PISD: variants seen among roughly 807,000 people sequenced by gnomAD.
PISD encodes the protein phosphatidylserine decarboxylase.
A neutral mutation model predicts 43.5 loss-of-function variants in PISD; 31 were observed. The observed-to-expected ratio is 0.71, with a 90% CI of 0.54 to 0.96. The LOEUF (loss-of-function observed/expected upper bound fraction) is 0.96. Among genes scored for constraint, PISD ranks in the 40% least tolerant of loss-of-function variants. The pLI is 0.00. For synonymous variants in PISD, 259 were observed against 228.7 expected (o/e 1.13, Z -1.20); for missense variants, 523 against 548.4 (o/e 0.95, Z 0.46).
chr22:31,644,896 G>A lies in PISD; in HGVS notation c.321+3205C>T, dbSNP rs545374841. 4.6e-5 allele frequency among the ~76,000 whole-genome samples: 7 copies of A among 152,184 alleles called. No individual in the cohort carries two copies. In the South Asian group the frequency reaches 8.3e-4, roughly 18 times the overall value. ...TCCTAGCACTTTCGGAGGCCGAGGC[G>A]GGTGGATCATGAGGTCACAAGTTCA... On this transcript the variant is annotated intron_variant, in intron 3 of 7. Coordinates refer to ENST00000439502, the MANE Select transcript of PISD (RefSeq NM_001326411.2).
rs1028860218 is a variant in PISD, at chr22:31,628,088, G to A, written c.322-6203C>T. 11 of 985,332 alleles carry A rather than the reference G, an allele frequency of 1.1e-5. No individual in the cohort carries two copies. The African/African-American group carries it at 1.2e-4, about 11-fold the overall frequency. The allele number at this position is 985,332 out of a possible 1,614,324, so 61.0% of individuals were successfully genotyped here. ...CTGTTCTGCCTCTTCTAAAACAAGC[G>A]CCGAGACCAGGGTGTCAGTGCCTCC... On this transcript the variant is annotated intron_variant, in intron 3 of 7. Transcript: ENST00000439502.
At position 31,619,407 on chromosome 22, in the gene PISD, T is replaced by C. The variant is rs1481074059; in HGVS notation, c.*205A>G. 2 of 668,846 alleles carry C rather than the reference T, an allele frequency of 3.0e-6. No homozygotes were observed. Among genetic ancestry groups the C allele is most frequent in the Non-Finnish European group, 2.7e-6 (1 of 364,728 alleles). 41.4% of individuals were successfully genotyped at this position (668,846 alleles called of 1,614,324 possible). On this transcript the variant is annotated 3_prime_UTR_variant, in exon 8 of 8. Coordinates refer to ENST00000439502, the MANE Select transcript of PISD (RefSeq NM_001326411.2). Reference sequence around the variant, plus strand: ...TTGTAGGCAGAAGGAACGGGATAGGTTGAGGGGCATGATGGGGGCTCTCGC... The same window carrying C: ...TTGTAGGCAGAAGGAACGGGATAGGCTGAGGGGCATGATGGGGGCTCTCGC...
At chr22:31,621,245 A>G in intron 5 of PISD, 89 bp downstream of exon 5, 1 of 1,609,180 alleles carries the variant, frequency 6.2e-7, no homozygotes. Context: ...CCCACATGCC[A>G]GCCTCAGTTC....
At chr22:31,628,061 C>T in intron 3 of PISD, 1 of 985,492 alleles carries the variant, frequency 1.0e-6, no homozygotes, top group Non-Finnish European at 1.2e-6. Context: ...TTGTCTTTAT[C>T]ACTGTTCTGC....
At chr22:31,628,951 A>G in intron 3 of PISD, 1 of 985,486 alleles carries the variant, frequency 1.0e-6, no homozygotes, top group Non-Finnish European at 1.2e-6. Flanking sequence ...GTTCTAAAAC[A>G]GGAACCCAAA....
intron 3 of PISD, chr22:31,626,144 C>CT: frequency 1.2e-6 from 1 of 856,686 alleles, no homozygotes; most frequent in Non-Finnish European, 1.6e-6. Context: ...TCTGTCCCTG[C>CT]TACCCAGGGC....
intron 3 of PISD, chr22:31,628,277 C>T (rs2073016019): frequency 1.3e-6 from 1 of 755,348 alleles, no homozygotes; most frequent in South Asian, 6.0e-5. Flanking sequence ...CAAGCCACTT[C>T]CTTGGCCAGC....
At chr22:31,658,386 C>T (rs2074234670) in intron 1 of PISD, among the ~76,000 whole-genome samples, 3 of 152,160 alleles carry the variant, frequency 2.0e-5, no homozygotes, top group Admixed American at 2.0e-4. Context: ...CATTAGAAGA[C>T]AATCATGCAA....
At chr22:31,624,142 C>G (rs1306948609) in intron 3 of PISD, among the ~76,000 whole-genome samples, 2 of 152,302 alleles carry the variant, frequency 1.3e-5, no homozygotes, top group East Asian at 1.9e-4. Flanking sequence ...AGAGGAGAGT[C>G]AGGCCCAGCT....
chr22:31,640,324 A>G (rs1242155221), intron 3 of PISD, among the ~76,000 whole-genome samples: 1 of 151,576 alleles, frequency 6.6e-6, no homozygotes, highest in Non-Finnish European at 1.5e-5. Context: ...CAGCCTCCCA[A>G]GTAGCTGGGA....
intron 3 of PISD, among the ~76,000 whole-genome samples, chr22:31,624,135 G>A (rs987542491): frequency 6.6e-6 from 1 of 152,140 alleles, no homozygotes; most frequent in East Asian, 1.9e-4. Flanking sequence ...AGCCGCAAGA[G>A]GAGAGTCAGG....
rs556911483 is a variant in PISD at position 31,640,743 on chromosome 22, G to A, written c.321+7358C>T. Among the ~76,000 whole-genome samples, 4 of 150,400 alleles carry A rather than the reference G, an allele frequency of 2.7e-5. No homozygotes were observed. The East Asian group carries it at 7.8e-4, about 29-fold the overall frequency. ...TTACAGGTGCCTGCCGCCACGCCTGGCTAATTTTTGTATTTTTAGTAGAGA... is the reference window on the plus strand; with the variant it reads ...TTACAGGTGCCTGCCGCCACGCCTGACTAATTTTTGTATTTTTAGTAGAGA... On this transcript the variant is annotated intron_variant, in intron 3 of 7. Coordinates refer to ENST00000439502, the MANE Select transcript of PISD (RefSeq NM_001326411.2).
intron 3 of PISD, among the ~76,000 whole-genome samples, chr22:31,633,477 A>T (rs2073290700): frequency 6.6e-6 from 1 of 152,182 alleles, no homozygotes. Flanking sequence ...GCACTTTGGG[A>T]GGCCGAGGCA....
At chr22:31,627,570 T>TGAA (rs1381872475) in intron 3 of PISD, among the ~76,000 whole-genome samples, 1 of 152,184 alleles carries the variant, frequency 6.6e-6, no homozygotes, top group African/African-American at 2.4e-5. Context: ...AAGGGGAAGC[T>TGAA]CTTTCCCTGG....
intron 3 of PISD, among the ~76,000 whole-genome samples, chr22:31,637,166 T>TAC (rs2073517967): frequency 6.1e-5 from 1 of 16,366 alleles, no homozygotes; most frequent in Non-Finnish European, 9.6e-5. Flanking sequence ...AAAAAAAAAA[T>TAC]ATATATATAT....
intron 1 of PISD, among the ~76,000 whole-genome samples, chr22:31,653,437 G>C (rs370523287): frequency 6.6e-6 from 1 of 152,176 alleles, no homozygotes; most frequent in African/African-American, 2.4e-5. Flanking sequence ...ACAAGGCTTT[G>C]TCTGACAGGA....
In PISD at chr22:31,620,584, T is replaced by A. The variant is rs537684837; in HGVS notation, c.974A>T (p.Asn325Ile). 1.9e-6 allele frequency: 3 copies of A among 1,614,202 alleles called. No homozygotes were observed. In the African/African-American group the frequency reaches 4.0e-5, roughly 22 times the overall value. Reference protein sequence around the residue: ...FFSLTAVGATNVGSIRIYFDR... With the variant: ...FFSLTAVGATIVGSIRIYFDR... ...AAAGTAGATGCGAATGGAGCCCACG[T>A]TGGTGGCCCCCACAGCTGTCAGTGA... The change falls in exon 7 of 8, where the codon AAC becomes ATC. Residue 325 changes from asparagine (N) to isoleucine (I), a missense_variant. By Grantham distance (149) the Asn-to-Ile change is moderately radical (BLOSUM62 -3). Coordinates refer to ENST00000439502, the MANE Select transcript of PISD (RefSeq NM_001326411.2).
rs1273230606 is a variant in PISD, at chr22:31,630,780, G to C, written c.322-8895C>G. 1 of 985,600 alleles carries C rather than the reference G, an allele frequency of 1.0e-6. No homozygotes were observed. The highest frequency in any genetic ancestry group is 1.2e-6 in the Non-Finnish European group (1 of 830,084). 61.1% of individuals were successfully genotyped at this position (985,600 alleles called of 1,614,324 possible). A position where few individuals can be genotyped will look rare whatever the true frequency, so the allele number is the denominator to read the frequency against. ...GTCACCTGGGGCTCCCGGCAGGGCC[G>C]GGGCGCCGGCTCCGCTCACTCACCC... On this transcript the variant is annotated intron_variant, in intron 3 of 7. Coordinates refer to ENST00000439502, the MANE Select transcript of PISD (RefSeq NM_001326411.2). The surrounding 1 kb of genome is among the most constrained non-coding windows in gnomAD (Gnocchi z 4.4).
intron 3 of PISD, among the ~76,000 whole-genome samples, chr22:31,627,159 A>G (rs1004680132): frequency 6.6e-6 from 1 of 152,220 alleles, no homozygotes; most frequent in Non-Finnish European, 1.5e-5. Context: ...AAGGTGACTA[A>G]GGTCAGACAC....
Sources: gnomAD v4.1 joint callset for allele counts (sites outside exome capture counted in the v4.1 genomes callset) on GRCh38, gnomAD v4.1.1 for gene constraint, Gnocchi (gnomAD v3.1) non-coding constraint, MANE v1.5 for transcripts, NCBI Gene and HGNC (gene_info 2026-07-23, HGNC 2026-07-21) for gene names.